Variants in PTPRK observed in about 807,000 individuals in gnomAD.
PTPRK encodes protein tyrosine phosphatase receptor type K, also known as receptor-type tyrosine-protein phosphatase kappa.
In PTPRK, 75 loss-of-function variants were observed where a neutral mutation model predicts 178.0. The ratio of observed to expected loss-of-function variants is 0.42; its 90% confidence interval spans 0.35 to 0.51. The LOEUF (loss-of-function observed/expected upper bound fraction) is 0.51. Ranked by LOEUF, PTPRK falls within the 20% of genes least tolerant of loss-of-function variation. The probability of loss-of-function intolerance (pLI) is 0.02; values close to 1 mark genes in which losing one functional copy is unlikely to be tolerated. For missense variants in PTPRK, 1,441 were observed against 1,797.8 expected, an observed-to-expected ratio of 0.80 and a Z score of 3.59; for synonymous variants, 637 against 620.6, an observed-to-expected ratio of 1.03 and a Z score of -0.39.
At chr6:128,486,429 A>AC (rs1002797998) in intron 1 of PTPRK, among the ~76,000 whole-genome samples, 19 of 152,130 alleles carry the variant, frequency 1.2e-4, no homozygotes, top group Non-Finnish European at 2.5e-4. Flanking sequence ...ATAAAGAAAA[A>AC]GTTTAGGGGA....
chr6:128,273,275 G>A (rs1406351131), intron 3 of PTPRK, among the ~76,000 whole-genome samples: 1 of 151,856 alleles, frequency 6.6e-6, no homozygotes, highest in Non-Finnish European at 1.5e-5. Flanking sequence ...GAGTTAATGG[G>A]TGCAGCACAC....
At chr6:128,374,900 T>C (rs761076362) in intron 2 of PTPRK, among the ~76,000 whole-genome samples, 1 of 151,992 alleles carries the variant, frequency 6.6e-6, no homozygotes, top group Non-Finnish European at 1.5e-5. Context: ...ACCAAATTGG[T>C]CATCTTATTC....
chr6:128,115,607 C>A (rs780322813), intron 7 of PTPRK, among the ~76,000 whole-genome samples: 1 of 151,922 alleles, frequency 6.6e-6, no homozygotes, highest in Non-Finnish European at 1.5e-5. Context: ...TTTATAGATG[C>A]TTTTTTCCAT....
intron 13 of PTPRK, among the ~76,000 whole-genome samples, chr6:128,038,565 C>T (rs1776616801): frequency 6.6e-6 from 1 of 152,098 alleles, no homozygotes; most frequent in African/African-American, 2.4e-5. Context: ...AAATCAGAGA[C>T]TGTCAGTGAT....
chr6:128,411,497 A>G (rs1842304879), intron 1 of PTPRK, among the ~76,000 whole-genome samples: 2 of 152,208 alleles, frequency 1.3e-5, no homozygotes, highest in South Asian at 4.1e-4. Context: ...CTTCAGTTCA[A>G]TGATCAAATC....
intron 2 of PTPRK, among the ~76,000 whole-genome samples, chr6:128,344,527 C>T (rs1584269998): frequency 6.6e-6 from 1 of 151,940 alleles, no homozygotes; most frequent in South Asian, 2.1e-4. Context: ...CCAATCACTC[C>T]TCGTGATTTT....
chr6:128,234,731 G>C (rs1007257373), intron 5 of PTPRK, among the ~76,000 whole-genome samples: 7 of 152,150 alleles, frequency 4.6e-5, no homozygotes, highest in African/African-American at 1.7e-4. Context: ...CCTGTTCATG[G>C]ACATGTAGGT....
At chr6:128,169,891 T>C (rs1231477007) in intron 7 of PTPRK, among the ~76,000 whole-genome samples, 3 of 151,762 alleles carry the variant, frequency 2.0e-5, no homozygotes, top group Non-Finnish European at 2.9e-5. Flanking sequence ...CCAGGCACTT[T>C]CCAGAACTAT....
chr6:128,139,432 T>C (rs893953745), intron 7 of PTPRK, among the ~76,000 whole-genome samples: 4 of 151,998 alleles, frequency 2.6e-5, no homozygotes, highest in African/African-American at 4.8e-5. Context: ...CATGAAACTA[T>C]AGTTTAAAGG....
chr6:128,247,473 C>T (rs1815679173), intron 3 of PTPRK, among the ~76,000 whole-genome samples: 1 of 152,198 alleles, frequency 6.6e-6, no homozygotes, highest in South Asian at 2.1e-4. Flanking sequence ...GCACATGCCA[C>T]CACGCCTGGC....
Position 128,464,651 on chromosome 6 carries a change from A to ATATATATG in PTPRK, c.100+55607_100+55608insCATATATA, listed in dbSNP as rs1554271913. 4.8e-4 allele frequency among the ~76,000 whole-genome samples: 47 copies of ATATATATG among 98,204 alleles called. 2 individuals carry two copies. Among genetic ancestry groups the ATATATATG allele is most frequent in the Non-Finnish European group, 6.8e-4 (34 of 50,118 alleles). 64.4% of individuals were successfully genotyped at this position (98,204 alleles called of 152,430 possible). ...TATATATATACACATATATATATAT[A>ATATATATG]TATATATATATATATATATATATAC... On this transcript the variant is annotated intron_variant, in intron 1 of 29. Transcript: ENST00000368226.
chr6:128,108,728 G>A (rs1790137118), intron 7 of PTPRK, among the ~76,000 whole-genome samples: 1 of 152,112 alleles, frequency 6.6e-6, no homozygotes, highest in African/African-American at 2.4e-5. Context: ...CATAGTCTGG[G>A]TGGTTTCCAG....
chr6:128,115,821 G>A (rs1791433250), intron 7 of PTPRK, among the ~76,000 whole-genome samples: 1 of 151,962 alleles, frequency 6.6e-6, no homozygotes, highest in African/African-American at 2.4e-5. Flanking sequence ...AGATACAGAT[G>A]GAAAATAAGT....
At chr6:128,310,248 T>A (rs865962231) in intron 3 of PTPRK, among the ~76,000 whole-genome samples, 15 of 152,038 alleles carry the variant, frequency 9.9e-5, no homozygotes, top group African/African-American at 3.4e-4. Flanking sequence ...TTGTTAGGAT[T>A]TATTGGCTGA....
At chr6:128,175,056 A>T (rs1191189693) in intron 7 of PTPRK, among the ~76,000 whole-genome samples, 34 of 151,892 alleles carry the variant, frequency 2.2e-4, no homozygotes. Context: ...TAGCTAGAGA[A>T]CAGAGTTTTT....
intron 1 of PTPRK, among the ~76,000 whole-genome samples, chr6:128,441,834 A>C (rs1846324658): frequency 6.6e-6 from 1 of 152,232 alleles, no homozygotes; most frequent in South Asian, 2.1e-4. Flanking sequence ...TGAAAGCACA[A>C]ATGGTCTGTA....
intron 6 of PTPRK, among the ~76,000 whole-genome samples, chr6:128,213,884 C>G (rs1301753735): frequency 2.6e-5 from 4 of 152,076 alleles, no homozygotes; most frequent in Non-Finnish European, 5.9e-5. Context: ...TAATAACCCA[C>G]TTGACAAAGG....
intron 3 of PTPRK, 113 bp downstream of exon 3, chr6:128,321,926 A>T (rs1232938361): frequency 2.2e-6 from 3 of 1,367,578 alleles, no homozygotes; most frequent in Non-Finnish European, 3.1e-6. Context: ...GGGGTGGGGG[A>T]GGCAAGAGGG....
intron 1 of PTPRK, among the ~76,000 whole-genome samples, chr6:128,493,431 A>G (rs150545755): frequency 0.015 from 2,315 of 151,880 alleles, 25 homozygotes; most frequent in South Asian, 0.024. Context: ...GCATGGTGGC[A>G]GGCGCCTGTA....
Sources: allele counts gnomAD v4.1 joint callset (sites outside exome capture counted in the v4.1 genomes callset), GRCh38; gene constraint gnomAD v4.1.1; transcripts MANE v1.5; gene names NCBI Gene and HGNC (gene_info 2026-07-23, HGNC 2026-07-21).